The following FRMPD1 variants were observed in gnomAD, a reference collection of about 807,000 sequenced individuals.
FRMPD1 encodes the protein FERM and PDZ domain containing 1.
In FRMPD1, 76 loss-of-function variants were observed where a neutral mutation model predicts 117.8. The ratio of observed to expected loss-of-function variants is 0.65; its 90% confidence interval spans 0.54 to 0.78. FRMPD1 has a LOEUF of 0.78. Among genes scored for constraint, FRMPD1 ranks in the 30% least tolerant of loss-of-function variants. The pLI is 0.00. For missense variants in FRMPD1, 1,786 were observed against 1,964.5 expected (o/e 0.91, Z 1.72); for synonymous variants, 783 against 770.4 (o/e 1.02, Z -0.27).
intron 14 of FRMPD1, among the ~76,000 whole-genome samples, chr9:37,738,164 C>A (rs901441061): frequency 2.2e-4 from 33 of 152,294 alleles, no homozygotes; most frequent in African/African-American, 6.7e-4. Context: ...TTTCAGGCTA[C>A]CACGATATGA....
chr9:37,655,217 AAGTGACCTTGCCCTGTAAAGTAAC>A (rs1201744631), intron 1 of FRMPD1, among the ~76,000 whole-genome samples: 1 of 152,192 alleles, frequency 6.6e-6, no homozygotes, highest in Non-Finnish European at 1.5e-5. Flanking sequence ...AGTAAGGACC[AAGTGACCTTGCCCTGTAAAGTAAC>A]AGTGACCAAG....
chr9:37,742,136 T>A (rs28550341), intron 15 of FRMPD1, among the ~76,000 whole-genome samples: 1 of 152,158 alleles, frequency 6.6e-6, no homozygotes, highest in Admixed American at 6.5e-5. Context: ...GCAATTGTTG[T>A]TAAATGAATG....
At chr9:37,699,383 G>A (rs1334705030) in intron 2 of FRMPD1, among the ~76,000 whole-genome samples, 1 of 144,978 alleles carries the variant, frequency 6.9e-6, no homozygotes, top group Non-Finnish European at 1.5e-5. Flanking sequence ...ACAGTGTTGT[G>A]ATCTTGGCTC....
In FRMPD1 at chr9:37,731,120, T is replaced by C. The variant is rs1262189373; in HGVS notation, c.858+17T>C. 1 of 1,611,908 alleles carries C rather than the reference T, an allele frequency of 6.2e-7. No homozygotes were observed. Among genetic ancestry groups the C allele is most frequent in the Admixed American group, 1.7e-5 (1 of 59,998 alleles). On this transcript the variant is annotated intron_variant, in intron 9 of 15. Coordinates refer to ENST00000377765, the MANE Select transcript of FRMPD1 (RefSeq NM_014907.3). ...TATCTGCAGGTGACTGGGTCTGTGC[T>C]TCCTAAAATAACAGTGGTTGTTCTC... is the stretch of plus-strand genomic sequence containing the variant.
At chr9:37,719,199 G>T in intron 6 of FRMPD1, 23 bp downstream of exon 6, 1 of 1,435,572 alleles carries the variant, frequency 7.0e-7, no homozygotes, top group Non-Finnish European at 9.8e-7. Flanking sequence ...TCAAGGGATT[G>T]AAATTATGAA....
At chr9:37,637,470 A>AACC in the FRMPD1 span, among the ~76,000 whole-genome samples, 1 of 152,136 alleles carries the variant, frequency 6.6e-6, no homozygotes, top group South Asian at 2.1e-4. Context: ...ACGGTTGTGC[A>AACC]ACCACCACCA....
intron 1 of FRMPD1, among the ~76,000 whole-genome samples, chr9:37,679,138 C>T (rs1218778892): frequency 6.6e-6 from 1 of 152,250 alleles, no homozygotes; most frequent in Admixed American, 6.5e-5. Context: ...TCTTGCTCCC[C>T]ACAGACATTG....
At chr9:37,626,831 A>G in the FRMPD1 span, among the ~76,000 whole-genome samples, 1 of 151,972 alleles carries the variant, frequency 6.6e-6, no homozygotes, top group Non-Finnish European at 1.5e-5. Context: ...TTTACCACAT[A>G]CCTACTGAAT....
At chr9:37,626,157 T>C in the FRMPD1 span, among the ~76,000 whole-genome samples, 1 of 152,018 alleles carries the variant, frequency 6.6e-6, no homozygotes, top group Non-Finnish European at 1.5e-5. Flanking sequence ...TGAAACCCCG[T>C]CTCTACTAAA....
the FRMPD1 span, among the ~76,000 whole-genome samples, chr9:37,613,254 A>G: frequency 6.6e-6 from 1 of 152,214 alleles, no homozygotes; most frequent in South Asian, 2.1e-4. Context: ...CTCAGTGAAT[A>G]TATACTGAGC....
At chr9:37,637,321 TC>T in the FRMPD1 span, 2 of 1,127,930 alleles carry the variant, frequency 1.8e-6, no homozygotes, top group Non-Finnish European at 2.7e-6. Context: ...GCTCAGTCGC[TC>T]CCAGTCGGCT....
At chr9:37,642,465 G>T in the FRMPD1 span, among the ~76,000 whole-genome samples, 1 of 152,136 alleles carries the variant, frequency 6.6e-6, no homozygotes, top group Non-Finnish European at 1.5e-5. Flanking sequence ...CTTACTAGTT[G>T]AGTGACCAGG....
Position 37,745,570 on chromosome 9 carries a change from G to A in FRMPD1, c.3538G>A (p.Asp1180Asn), listed in dbSNP as rs751873859. 31 of 1,613,986 alleles carry A rather than the reference G, an allele frequency of 1.9e-5. No individual in the cohort carries two copies. Among genetic ancestry groups the A allele is most frequent in the Non-Finnish European group, 2.5e-5 (30 of 1,180,006 alleles). The change falls in exon 16 of 16, where the codon GAC (aspartate) becomes AAC (asparagine). Residue 1180 changes from aspartate (D) to asparagine (N), a missense_variant. Coordinates refer to ENST00000377765, the MANE Select transcript of FRMPD1 (RefSeq NM_014907.3). ...TEQIPPHPPR[D>N]PQGQSREPPG... ...GCAGATCCCACCACATCCCCCTAGA[G>A]ACCCTCAAGGACAGAGCAGAGAACC...
At chr9:37,683,899 A>G (rs1240560467) in intron 1 of FRMPD1, among the ~76,000 whole-genome samples, 1 of 148,094 alleles carries the variant, frequency 6.8e-6, no homozygotes, top group African/African-American at 2.6e-5. Context: ...TTTGGGGGGA[A>G]CAACAGGTAA....
intron 1 of FRMPD1, among the ~76,000 whole-genome samples, chr9:37,671,030 CCTT>C (rs1268543769): frequency 6.6e-6 from 1 of 152,184 alleles, no homozygotes; most frequent in Non-Finnish European, 1.5e-5. Context: ...CTTCTTTCTT[CCTT>C]CTTTTCTTTT....
the FRMPD1 span, among the ~76,000 whole-genome samples, chr9:37,614,433 G>A: frequency 3.9e-5 from 6 of 152,218 alleles, no homozygotes; most frequent in African/African-American, 1.2e-4. Context: ...GCCACAGAGG[G>A]AATCCCTGCA....
At chr9:37,680,512 G>A (rs2225020) in intron 1 of FRMPD1, among the ~76,000 whole-genome samples, 1 of 152,198 alleles carries the variant, frequency 6.6e-6, no homozygotes, top group Non-Finnish European at 1.5e-5. Context: ...ATGTTTTGCA[G>A]GTGTGGTGGT....
chr9:37,733,657 A>C lies in FRMPD1; in HGVS notation c.1122+58A>C, dbSNP rs887253855. The C allele has an allele frequency of 3.1e-6, 5 of 1,602,974 alleles. No individual in the cohort carries two copies. The African/African-American group carries it at 6.7e-5, about 22-fold the overall frequency. On this transcript the variant is annotated intron_variant, in intron 11 of 15. Coordinates refer to ENST00000377765, the MANE Select transcript of FRMPD1 (RefSeq NM_014907.3). The stretch of plus-strand genomic sequence containing the variant: ...TGTCGTCTGTGAAACCTTAGGAAAA[A>C]CATTTTCAACACTGCCTGGATTTTA...
chr9:37,710,052 A>G (rs1052142731), intron 4 of FRMPD1, among the ~76,000 whole-genome samples: 22 of 152,224 alleles, frequency 1.4e-4, no homozygotes, highest in Non-Finnish European at 3.2e-4. Flanking sequence ...TGTCACGTGT[A>G]AAAGGTAAAA....
Sources: allele counts gnomAD v4.1 joint callset (sites outside exome capture counted in the v4.1 genomes callset), GRCh38; gene constraint gnomAD v4.1.1; transcripts MANE v1.5; gene names NCBI Gene and HGNC (gene_info 2026-07-23, HGNC 2026-07-21).